Variants in ADGRB1 observed in about 807,000 individuals in gnomAD.
The protein encoded by ADGRB1 is adhesion G protein-coupled receptor B1, also known as brain-specific angiogenesis inhibitor 1.
A neutral mutation model predicts 175.7 loss-of-function variants in ADGRB1; 36 were observed. The ratio of observed to expected loss-of-function variants is 0.20; its 90% confidence interval spans 0.16 to 0.27. ADGRB1 has a LOEUF of 0.27. Ranked by LOEUF, ADGRB1 falls within the 10% of genes least tolerant of loss-of-function variation. The pLI, the probability that ADGRB1 is intolerant of heterozygous loss-of-function variation, is 1.00. For missense variants in ADGRB1, 1,731 were observed against 2,255.3 expected (o/e 0.77, Z 4.71); for synonymous variants, 1,054 against 979.4 (o/e 1.08, Z -1.42).
chr8:142,518,666 T>C (rs1843591071), intron 19 of ADGRB1, among the ~76,000 whole-genome samples: 1 of 152,220 alleles, frequency 6.6e-6, no homozygotes, highest in Admixed American at 6.5e-5. Flanking sequence ...CAGCCTGCTG[T>C]CCATTCTGAT....
Position 142,520,940 on chromosome 8 carries a change from G to C in ADGRB1, c.3024+15G>C, listed in dbSNP as rs370681439. 3 of 1,600,736 alleles carry C rather than the reference G, an allele frequency of 1.9e-6. No homozygotes were observed. Among genetic ancestry groups the C allele is most frequent in the Admixed American group, 3.3e-5 (2 of 59,938 alleles). On this transcript the variant is annotated intron_variant, in intron 20 of 30. Transcript: ENST00000517894. ...CCCGCAACAAGGTAGGCAGCCTTGCGTCCTGCCATGCACTTCCCAACATCC... is the reference window on the plus strand; with the variant it reads ...CCCGCAACAAGGTAGGCAGCCTTGCCTCCTGCCATGCACTTCCCAACATCC...
At chr8:142,517,549 G>A (rs1843515480) in intron 18 of ADGRB1, among the ~76,000 whole-genome samples, 1 of 152,094 alleles carries the variant, frequency 6.6e-6, no homozygotes, top group Non-Finnish European at 1.5e-5. Flanking sequence ...GGGCTGTGGA[G>A]GTGACACAGA....
chr8:142,474,427 G>A lies in ADGRB1; in HGVS notation c.785-1047G>A, dbSNP rs775917418. On this transcript the variant is annotated intron_variant, in intron 2 of 30. Coordinates refer to ENST00000517894, the MANE Select transcript of ADGRB1 (RefSeq NM_001702.3). This position sits in a 1 kb window ranked among gnomAD's most constrained non-coding sequence, Gnocchi z 5.8. ...GCTGCATGCCCTTTCCAAGTCGCCC[G>A]ACCCTGCTGCACAGGGTGTACATGA... is the stretch of plus-strand genomic sequence containing the variant. 6.6e-6 allele frequency among the ~76,000 whole-genome samples: 1 copy of A among 152,156 alleles called. No individual in the cohort carries two copies.
chr8:142,535,915 C>A (rs1305539725), intron 25 of ADGRB1, among the ~76,000 whole-genome samples: 1 of 152,162 alleles, frequency 6.6e-6, no homozygotes, highest in East Asian at 1.9e-4. Context: ...CCACTGAGAC[C>A]CTGGTTTCCA....
Position 142,493,714 on chromosome 8 carries a change from C to T in ADGRB1, c.2675+2899C>T, listed in dbSNP as rs116581853. Among the ~76,000 whole-genome samples the T allele has an allele frequency of 1.7e-3, 258 of 152,374 alleles. No homozygotes were observed. The highest frequency in any genetic ancestry group is 5.9e-3 in the African/African-American group (244 of 41,590). ...TCCTACAGTCCCGCTGAAAGCACAG[C>T]GCAGTGATCGAGGCCTTCTGCTCTG... On this transcript the variant is annotated intron_variant, in intron 17 of 30. Coordinates refer to ENST00000517894, the MANE Select transcript of ADGRB1 (RefSeq NM_001702.3). This position sits in a 1 kb window ranked among gnomAD's most constrained non-coding sequence, Gnocchi z 5.0.
chr8:142,471,616 G>A (rs1381053734), intron 2 of ADGRB1, among the ~76,000 whole-genome samples: 1 of 152,272 alleles, frequency 6.6e-6, no homozygotes, highest in Non-Finnish European at 1.5e-5. Context: ...GCCTACGTGA[G>A]GCTTTAAGGA....
Position 142,544,611 on chromosome 8 carries a change from C to T in ADGRB1, c.*194C>T, listed in dbSNP as rs1035503559. On this transcript the variant is annotated 3_prime_UTR_variant, in exon 31 of 31. Coordinates refer to ENST00000517894, the MANE Select transcript of ADGRB1 (RefSeq NM_001702.3). ...GCCAGATGCAGGACAGGAGGCGGCC[C>T]GGCCAGCGGGCACAGGGCACCAGAG... 2.3e-5 allele frequency: 14 copies of T among 596,770 alleles called. No individual in the cohort carries two copies. Among genetic ancestry groups the T allele is most frequent in the African/African-American group, 1.6e-4 (8 of 50,654 alleles). 37.0% of individuals were successfully genotyped at this position (596,770 alleles called of 1,614,324 possible).
intron 17 of ADGRB1, among the ~76,000 whole-genome samples, chr8:142,508,939 G>A (rs1354196550): frequency 6.6e-6 from 1 of 152,234 alleles, no homozygotes; most frequent in African/African-American, 2.4e-5. Context: ...CCTCAGGCCG[G>A]CTCCCGGGCC....
chr8:142,467,896 C>G (rs1563682826), intron 2 of ADGRB1, among the ~76,000 whole-genome samples: 1 of 152,194 alleles, frequency 6.6e-6, no homozygotes, highest in Non-Finnish European at 1.5e-5. Flanking sequence ...GATGAAATAT[C>G]AATATGCTCG....
At chr8:142,507,198 G>A (rs551662052) in intron 17 of ADGRB1, among the ~76,000 whole-genome samples, 1 of 152,196 alleles carries the variant, frequency 6.6e-6, no homozygotes, top group Non-Finnish European at 1.5e-5. Context: ...AGCCATTATC[G>A]TGGAGGTGCA....
rs756905905 is a variant in ADGRB1 at position 142,542,657 on chromosome 8, G to A, written c.4413+10G>A. 5 of 1,538,532 alleles carry A rather than the reference G, an allele frequency of 3.2e-6. No homozygotes were observed. The African/African-American group carries it at 4.2e-5, about 13-fold the overall frequency. ...TGTGAGCTCCCTGGAGGTGAGGGGG[G>A]CAGGGGTGGGCCACACCCCAGCCAG... On this transcript the variant is annotated intron_variant, in intron 28 of 30. Coordinates refer to ENST00000517894, the MANE Select transcript of ADGRB1 (RefSeq NM_001702.3). This position sits in a 1 kb window ranked among gnomAD's most constrained non-coding sequence, Gnocchi z 6.3.
At chr8:142,520,561 T>C (rs1843773991) in intron 19 of ADGRB1, among the ~76,000 whole-genome samples, 1 of 99,958 alleles carries the variant, frequency 1.0e-5, no homozygotes, top group Non-Finnish European at 2.2e-5. Flanking sequence ...GTGATGATGG[T>C]GATGGTGTGG....
Position 142,479,805 on chromosome 8 carries a change from G to C in ADGRB1, c.1828+11G>C, listed in dbSNP as rs777889288. Reference sequence around the variant, plus strand: ...CCCGCAACGCCACAGGTGAGGGCTGGAGAGCACGTGGTGTATGGGGGCTCC... The same window carrying C: ...CCCGCAACGCCACAGGTGAGGGCTGCAGAGCACGTGGTGTATGGGGGCTCC... On this transcript the variant is annotated intron_variant, in intron 9 of 30. Transcript: ENST00000517894. The C allele has an allele frequency of 6.2e-7, 1 of 1,607,548 alleles. No homozygotes were observed.
At chr8:142,466,509 G>A (rs892410469) in intron 2 of ADGRB1, among the ~76,000 whole-genome samples, 6 of 152,196 alleles carry the variant, frequency 3.9e-5, no homozygotes, top group African/African-American at 1.4e-4. Context: ...GGGAGGCAGC[G>A]CCCCTGGGCA....
At position 142,455,155 on chromosome 8, in the gene ADGRB1, C is replaced by T. The variant is rs558258435; in HGVS notation, c.-220+5051C>T. ...GCCCCCGAGGCTACCTCAGCCGCAC[C>T]CTGCCGCCGGCACCACACTGCACCA... is the stretch of plus-strand genomic sequence containing the variant. On this transcript the variant is annotated intron_variant, in intron 1 of 30. Coordinates refer to ENST00000517894, the MANE Select transcript of ADGRB1 (RefSeq NM_001702.3). The surrounding 1 kb of genome is among the most constrained non-coding windows in gnomAD (Gnocchi z 4.9). Among the ~76,000 whole-genome samples the T allele has an allele frequency of 3.8e-3, 578 of 150,624 alleles. 2 individuals carry two copies. The highest frequency in any genetic ancestry group is 0.014 in the African/African-American group (555 of 40,812).
intron 18 of ADGRB1, among the ~76,000 whole-genome samples, chr8:142,517,500 A>C (rs981745655): frequency 6.7e-6 from 1 of 150,060 alleles, no homozygotes; most frequent in African/African-American, 2.5e-5. Flanking sequence ...GCCTGGGGCC[A>C]GGGCTGGCGG....
intron 30 of ADGRB1, 51 bp from the exon 31 acceptor site, chr8:142,544,169 A>G: frequency 6.5e-7 from 1 of 1,533,796 alleles, no homozygotes; most frequent in Non-Finnish European, 8.8e-7. Context: ...CCTCGGGCTC[A>G]TGGCTCTCCC....
intron 1 of ADGRB1, among the ~76,000 whole-genome samples, chr8:142,461,891 C>G (rs1839988632): frequency 6.6e-6 from 1 of 152,192 alleles, no homozygotes; most frequent in Non-Finnish European, 1.5e-5. Flanking sequence ...GGCACTCTGC[C>G]AGGCTCTGCC....
At chr8:142,473,821 C>A (rs1840790029) in intron 2 of ADGRB1, among the ~76,000 whole-genome samples, 1 of 152,212 alleles carries the variant, frequency 6.6e-6, no homozygotes, top group Non-Finnish European at 1.5e-5. Flanking sequence ...TGGGTCAAGT[C>A]CCTCTCCTGG....
Sources: gnomAD v4.1 joint callset for allele counts (sites outside exome capture counted in the v4.1 genomes callset) on GRCh38, gnomAD v4.1.1 for gene constraint, Gnocchi (gnomAD v3.1) non-coding constraint, MANE v1.5 for transcripts, NCBI Gene and HGNC (gene_info 2026-07-23, HGNC 2026-07-21) for gene names.